PRKN: variants seen among roughly 807,000 people sequenced by gnomAD.
PRKN encodes parkin RBR E3 ubiquitin protein ligase.
In PRKN, 56 loss-of-function variants were observed where a neutral mutation model predicts 59.5. The observed-to-expected ratio is 0.94, with a 90% CI of 0.76 to 1.18. The LOEUF is 1.18. Ranked by LOEUF, PRKN falls within the 50% of genes most tolerant of loss-of-function variation. The pLI is 0.00. For synonymous variants in PRKN, 250 were observed against 222.1 expected, an observed-to-expected ratio of 1.13 and a Z score of -1.12; for missense variants, 657 against 596.4, an observed-to-expected ratio of 1.10 and a Z score of -1.06.
At chr6:162,216,971 G>A (rs1053145554) in intron 3 of PRKN, among the ~76,000 whole-genome samples, 7 of 152,158 alleles carry the variant, frequency 4.6e-5, no homozygotes, top group African/African-American at 1.7e-4. Context: ...TATACCAGGT[G>A]AAGCCTGCAA....
intron 1 of PRKN, among the ~76,000 whole-genome samples, chr6:162,524,476 A>G (rs1778204223): frequency 6.6e-6 from 1 of 152,210 alleles, no homozygotes; most frequent in Non-Finnish European, 1.5e-5. Flanking sequence ...CTGTCATGGT[A>G]ACAACAGTCT....
chr6:162,712,702 T>C (rs1170402856), intron 1 of PRKN, among the ~76,000 whole-genome samples: 1 of 152,238 alleles, frequency 6.6e-6, no homozygotes, highest in Non-Finnish European at 1.5e-5. Flanking sequence ...ACATAGGGCA[T>C]ATGATAGAAA....
intron 9 of PRKN, among the ~76,000 whole-genome samples, chr6:161,443,175 T>C (rs1431562294): frequency 6.6e-6 from 1 of 152,048 alleles, no homozygotes; most frequent in Non-Finnish European, 1.5e-5. Context: ...GGTGTGGTGG[T>C]GGTGCATGCC....
intron 1 of PRKN, among the ~76,000 whole-genome samples, chr6:162,600,955 C>T (rs140221960): frequency 1.2e-3 from 185 of 152,198 alleles, no homozygotes; most frequent in Admixed American, 3.5e-3. Context: ...TTTATAGTAG[C>T]GTAAGAATGG....
At chr6:162,615,138 C>A (rs1196305235) in intron 1 of PRKN, among the ~76,000 whole-genome samples, 1 of 152,136 alleles carries the variant, frequency 6.6e-6, no homozygotes, top group Non-Finnish European at 1.5e-5. Context: ...TTTATTTTGT[C>A]TCCAAGTTTA....
At chr6:162,103,623 G>GAA (rs199818629) in intron 4 of PRKN, among the ~76,000 whole-genome samples, 5 of 139,792 alleles carry the variant, frequency 3.6e-5, no homozygotes, top group Non-Finnish European at 6.3e-5. Flanking sequence ...TTTAACTTCT[G>GAA]AAAAAAAAAA....
intron 8 of PRKN, among the ~76,000 whole-genome samples, chr6:161,568,938 A>G (rs17651866): frequency 0.058 from 8,865 of 151,656 alleles, 297 homozygotes; most frequent in African/African-American, 0.082. Context: ...CTGCCATGAA[A>G]TACAGATAAC....
chr6:161,922,135 G>A (rs561819229), intron 6 of PRKN, among the ~76,000 whole-genome samples: 36 of 152,226 alleles, frequency 2.4e-4, no homozygotes, highest in African/African-American at 8.7e-4. Flanking sequence ...TGCCACTCAG[G>A]ATTCAAACAA....
intron 5 of PRKN, among the ~76,000 whole-genome samples, chr6:161,981,167 T>A (rs1781245595): frequency 6.6e-6 from 1 of 152,114 alleles, no homozygotes; most frequent in Admixed American, 6.6e-5. Context: ...TCACTTCAAA[T>A]CAATCTAAAT....
intron 2 of PRKN, among the ~76,000 whole-genome samples, chr6:162,417,774 T>C (rs9295188): frequency 0.55 from 83,555 of 152,038 alleles, 23,925 homozygotes; most frequent in African/African-American, 0.71. Flanking sequence ...GGGTCTTCTG[T>C]TGAGAAATCA....
chr6:162,616,726 CATAAT>C (rs914101057), intron 1 of PRKN, among the ~76,000 whole-genome samples: 21 of 152,212 alleles, frequency 1.4e-4, no homozygotes, highest in African/African-American at 4.3e-4. Flanking sequence ...GAAAGCCTTA[CATAAT>C]ATAACACTAT....
chr6:162,472,362 A>G (rs1310748164), intron 1 of PRKN, among the ~76,000 whole-genome samples: 1 of 97,872 alleles, frequency 1.0e-5, no homozygotes, highest in Non-Finnish European at 2.0e-5. Context: ...CCCACCCCCC[A>G]CCCCAAGACA....
intron 7 of PRKN, among the ~76,000 whole-genome samples, chr6:161,773,036 C>A (rs1023807938): frequency 6.6e-6 from 1 of 152,064 alleles, no homozygotes; most frequent in Non-Finnish European, 1.5e-5. Context: ...CAAAGAAAAG[C>A]AGGGAATGAT....
intron 2 of PRKN, among the ~76,000 whole-genome samples, chr6:162,349,338 C>A (rs1043062718): frequency 6.6e-6 from 1 of 151,982 alleles, no homozygotes; most frequent in Non-Finnish European, 1.5e-5. Flanking sequence ...TGTTGGCATG[C>A]GCCTGAAATC....
rs1157704970 is a variant in PRKN, at chr6:161,460,129, C to T, written c.1084-73252G>A. 6.6e-6 allele frequency among the ~76,000 whole-genome samples: 1 copy of T among 152,128 alleles called. No homozygotes were observed. Among genetic ancestry groups the T allele is most frequent in the Non-Finnish European group, 1.5e-5 (1 of 68,022 alleles). Reference sequence around the variant, plus strand: ...AAATATAAACAGCAATTGATCCTACCCTCAATAAGTCATCTGCTTAGAGGA... The same window carrying T: ...AAATATAAACAGCAATTGATCCTACTCTCAATAAGTCATCTGCTTAGAGGA... On this transcript the variant is annotated intron_variant, in intron 9 of 11. Coordinates refer to ENST00000366898, the MANE Select transcript of PRKN (RefSeq NM_004562.3). The surrounding 1 kb of genome is among the most constrained non-coding windows in gnomAD (Gnocchi z 5.0).
chr6:162,604,741 CCT>C (rs1781845435), intron 1 of PRKN, among the ~76,000 whole-genome samples: 1 of 149,114 alleles, frequency 6.7e-6, no homozygotes, highest in Admixed American at 6.7e-5. Context: ...TTCATTTTCA[CCT>C]CTGACAGTAA....
intron 2 of PRKN, among the ~76,000 whole-genome samples, chr6:162,395,573 T>C (rs912632364): frequency 6.6e-6 from 1 of 152,136 alleles, no homozygotes; most frequent in African/African-American, 2.4e-5. Flanking sequence ...ATTCCAGACC[T>C]ACGCAAACCA....
rs139400249 is a variant in PRKN, at chr6:162,694,350, A to G, written c.7+33312T>C. Among the ~76,000 whole-genome samples the G allele has an allele frequency of 4.3e-4, 65 of 152,230 alleles. 1 individual carries two copies. In the East Asian group the frequency reaches 0.012, roughly 28 times the overall value. On this transcript the variant is annotated intron_variant, in intron 1 of 11. Transcript: ENST00000366898. ...TTCTCTCATTCTACATGGCAGAGAT[A>G]GCAGTGATAACTGTGGCAATCCAGC...
At chr6:162,648,493 T>C (rs1778287804) in intron 1 of PRKN, among the ~76,000 whole-genome samples, 1 of 151,970 alleles carries the variant, frequency 6.6e-6, no homozygotes, top group African/African-American at 2.4e-5. Context: ...GTGATTCTCC[T>C]GCCTCAGCCT....
Sources: gnomAD v4.1 joint callset for allele counts (sites outside exome capture counted in the v4.1 genomes callset) on GRCh38, gnomAD v4.1.1 for gene constraint, Gnocchi (gnomAD v3.1) non-coding constraint, MANE v1.5 for transcripts, NCBI Gene and HGNC (gene_info 2026-07-23, HGNC 2026-07-21) for gene names.